The following RAB6B variants were observed in gnomAD, a reference collection of about 807,000 sequenced individuals.
The protein encoded by RAB6B is ras-related protein Rab-6B.
Under a neutral mutation model 31.2 loss-of-function variants are expected in RAB6B, and 7 were observed. That is an observed-to-expected ratio of 0.22 (90% confidence interval 0.13 to 0.42). RAB6B has a LOEUF of 0.42. Among genes scored for constraint, RAB6B ranks in the 10% least tolerant of loss-of-function variants. RAB6B has a pLI of 1.00. For synonymous variants in RAB6B, 105 were observed against 104.9 expected, an observed-to-expected ratio of 1.00 and a Z score of -0.01; for missense variants, 149 against 280.6, an observed-to-expected ratio of 0.53 and a Z score of 3.35.
chr3:133,873,460 G>A (rs918662650), intron 1 of RAB6B, among the ~76,000 whole-genome samples: 1 of 152,160 alleles, frequency 6.6e-6, no homozygotes, highest in Non-Finnish European at 1.5e-5. Context: ...AAATTCCAGA[G>A]AAACATGCTG....
intron 4 of RAB6B, 114 bp downstream of exon 4, chr3:133,841,171 T>TGCGTGTGCACACAC (rs1185746152): frequency 2.9e-6 from 2 of 694,528 alleles, no homozygotes; most frequent in Admixed American, 2.4e-5. Context: ...CGCACACACA[T>TGCGTGTGCACACAC]GCGTGTGCAC....
At chr3:133,864,695 T>C in intron 1 of RAB6B, 53 bp from the exon 2 acceptor site, 1 of 1,499,482 alleles carries the variant, frequency 6.7e-7, no homozygotes. Flanking sequence ...AGCTAGGCTC[T>C]TCTAAACACA....
At chr3:133,874,526 G>A (rs2108009349) in intron 1 of RAB6B, among the ~76,000 whole-genome samples, 2 of 152,314 alleles carry the variant, frequency 1.3e-5, no homozygotes, top group Non-Finnish European at 2.9e-5. Context: ...AAGTCGTTCT[G>A]GGTGAGTCAG....
chr3:133,889,440 A>C (rs867486100), intron 1 of RAB6B, among the ~76,000 whole-genome samples: 1 of 99,524 alleles, frequency 1.0e-5, no homozygotes, highest in African/African-American at 4.2e-5. Context: ...ATATATATAT[A>C]TATATTTATT....
At chr3:133,875,932 C>T (rs868136708) in intron 1 of RAB6B, among the ~76,000 whole-genome samples, 2 of 152,144 alleles carry the variant, frequency 1.3e-5, no homozygotes, top group Non-Finnish European at 2.9e-5. Context: ...CAGTACTATC[C>T]GGCATGCGAC....
Position 133,888,320 on chromosome 3 carries a change from A to C in RAB6B, c.70+7077T>G, listed in dbSNP as rs1327367758. ...CGTCACAGGGTGGCTGGGAAGATAA[A>C]AAGTGCCCTGTGTGGAGCCTCCGGC... On this transcript the variant is annotated intron_variant, in intron 1 of 7. Coordinates refer to ENST00000285208, the MANE Select transcript of RAB6B (RefSeq NM_016577.4). Among the ~76,000 whole-genome samples the C allele has an allele frequency of 3.3e-5, 5 of 152,208 alleles. No homozygotes were observed. In the East Asian group the frequency reaches 9.6e-4, roughly 29 times the overall value.
Position 133,864,596 on chromosome 3 carries a change from G to C in RAB6B, c.117C>G (p.Asp39Glu). 6.2e-7 allele frequency: 1 copy of C among 1,614,158 alleles called. No individual in the cohort carries two copies. The highest frequency in any genetic ancestry group is 8.5e-7 in the Non-Finnish European group (1 of 1,179,974). ...LITRFMYDSFDNTYQATIGID... is the reference protein window; with the variant it reads ...LITRFMYDSFENTYQATIGID... ...CCCAGGACCTCACCTGGTATGTGTTGTCGAAGCTGTCGTACATGAACCTCG... is the reference window on the plus strand; with the variant it reads ...CCCAGGACCTCACCTGGTATGTGTTCTCGAAGCTGTCGTACATGAACCTCG... Residue 39 changes from aspartate to glutamate, a missense_variant, in exon 2 of 8, where the codon GAC (aspartate) becomes GAG (glutamate). By Grantham distance (45) the Asp-to-Glu change is conservative (BLOSUM62 2). This residue lies in a region of RAB6B where 75 missense variants were observed against 180.1 expected (regional missense o/e 0.42). Transcript: ENST00000285208.
intron 2 of RAB6B, among the ~76,000 whole-genome samples, chr3:133,846,637 G>A (rs1162459316): frequency 3.9e-5 from 6 of 152,114 alleles, no homozygotes; most frequent in Non-Finnish European, 8.8e-5. Context: ...GTATGTCATA[G>A]TCAAATTGCT....
chr3:133,845,869 A>T (rs1935902515), intron 2 of RAB6B, among the ~76,000 whole-genome samples: 1 of 144,382 alleles, frequency 6.9e-6, no homozygotes, highest in Non-Finnish European at 1.5e-5. Flanking sequence ...ATAAATAGGT[A>T]AAAAAAAAAA....
intron 1 of RAB6B, among the ~76,000 whole-genome samples, chr3:133,890,165 C>T (rs867106049): frequency 6.6e-6 from 1 of 152,206 alleles, no homozygotes; most frequent in African/African-American, 2.4e-5. Context: ...TCAAAGTGAG[C>T]TCTGGCAAGC....
chr3:133,881,283 T>C (rs1559913047), intron 1 of RAB6B, among the ~76,000 whole-genome samples: 1 of 152,080 alleles, frequency 6.6e-6, no homozygotes, highest in Non-Finnish European at 1.5e-5. Flanking sequence ...TCAGAGGAGA[T>C]GTGAAGAGGG....
chr3:133,852,917 C>T (rs913801908), intron 2 of RAB6B, among the ~76,000 whole-genome samples: 5 of 152,188 alleles, frequency 3.3e-5, no homozygotes, highest in African/African-American at 1.2e-4. Flanking sequence ...TATTTCCTTT[C>T]CCTCCAGCCA....
chr3:133,856,163 A>C (rs1936073293), intron 2 of RAB6B, among the ~76,000 whole-genome samples: 1 of 152,074 alleles, frequency 6.6e-6, no homozygotes, highest in Non-Finnish European at 1.5e-5. Context: ...ACTCTCCTTC[A>C]TTTATGCCAC....
intron 2 of RAB6B, among the ~76,000 whole-genome samples, chr3:133,845,916 T>A (rs1445218924): frequency 6.6e-6 from 1 of 152,136 alleles, no homozygotes; most frequent in African/African-American, 2.4e-5. Context: ...TCAAGAGATT[T>A]ATGAAAATTC....
In RAB6B at chr3:133,843,397, G is replaced by T. The variant is rs527393089; in HGVS notation, c.130-1734C>A. On this transcript the variant is annotated intron_variant, in intron 2 of 7. Transcript: ENST00000285208. ...AAATCTGCAATGACCAGTGCTTGTG[G>T]ATGCAGACTTTTTCCTTCACAGGTG... Among the ~76,000 whole-genome samples, 15 of 152,312 alleles carry T rather than the reference G, an allele frequency of 9.8e-5. No individual in the cohort carries two copies. In the South Asian group the frequency reaches 3.1e-3, roughly 32 times the overall value.
At chr3:133,833,571 G>A (rs1247449457) in intron 7 of RAB6B, among the ~76,000 whole-genome samples, 6 of 152,186 alleles carry the variant, frequency 3.9e-5, no homozygotes. Flanking sequence ...CCCTGCCCCA[G>A]CAGCTCCATG....
intron 2 of RAB6B, among the ~76,000 whole-genome samples, chr3:133,861,256 T>C (rs11711299): frequency 0.16 from 23,679 of 152,264 alleles, 2,338 homozygotes; most frequent in Middle Eastern, 0.27. Context: ...ATGAATCTCA[T>C]CTGGCTGTGA....
chr3:133,861,517 C>T (rs979100390), intron 2 of RAB6B, among the ~76,000 whole-genome samples: 26 of 152,298 alleles, frequency 1.7e-4, no homozygotes, highest in African/African-American at 6.0e-4. Flanking sequence ...CTCATGCCAG[C>T]CCCTCAGGGT....
intron 7 of RAB6B, among the ~76,000 whole-genome samples, chr3:133,831,349 G>A (rs1336026942): frequency 1.3e-5 from 2 of 152,200 alleles, no homozygotes; most frequent in Admixed American, 1.3e-4. Flanking sequence ...CTCCAGTGAT[G>A]GAAATATTCT....
Sources: allele counts gnomAD v4.1 joint callset (sites outside exome capture counted in the v4.1 genomes callset), GRCh38; gene constraint gnomAD v4.1.1; regional missense constraint gnomAD v4.1.1; transcripts MANE v1.5; gene names NCBI Gene and HGNC (gene_info 2026-07-23, HGNC 2026-07-21).